SGCZ: variants seen among roughly 807,000 people sequenced by gnomAD.
SGCZ encodes sarcoglycan zeta, also known as zeta-sarcoglycan.
Under a neutral mutation model 41.3 loss-of-function variants are expected in SGCZ, and 40 were observed. The observed-to-expected ratio is 0.97, with a 90% CI of 0.75 to 1.26. The LOEUF is 1.26. Among genes scored for constraint, SGCZ ranks in the 50% most tolerant of loss-of-function variants. The pLI, the probability that SGCZ is intolerant of heterozygous loss-of-function variation, is 0.00. For missense variants in SGCZ, 552 were observed against 369.8 expected (o/e 1.49, Z -4.04); for synonymous variants, 206 against 137.5 (o/e 1.50, Z -3.49).
intron 1 of SGCZ, among the ~76,000 whole-genome samples, chr8:14,963,764 C>T (rs1040009208): frequency 1.3e-5 from 2 of 152,180 alleles, no homozygotes; most frequent in Non-Finnish European, 2.9e-5. Flanking sequence ...CGCAGGTCAT[C>T]CCTTTCAGCC....
chr8:14,156,333 G>A (rs1031906193), intron 5 of SGCZ, among the ~76,000 whole-genome samples: 3 of 152,056 alleles, frequency 2.0e-5, no homozygotes, highest in East Asian at 1.9e-4. Context: ...GGTGGTGGTC[G>A]CCTTGTAGTC....
intron 1 of SGCZ, among the ~76,000 whole-genome samples, chr8:15,164,024 C>T (rs1213588139): frequency 6.6e-6 from 1 of 152,238 alleles, no homozygotes; most frequent in Non-Finnish European, 1.5e-5. Context: ...CCGGGAAGCG[C>T]TCTAGCAGGG....
intron 1 of SGCZ, among the ~76,000 whole-genome samples, chr8:14,865,298 T>A (rs988544991): frequency 6.6e-6 from 1 of 152,024 alleles, no homozygotes; most frequent in Non-Finnish European, 1.5e-5. Context: ...TCTCAGACCA[T>A]ATCCCTTACT....
chr8:14,220,165 A>G (rs1806142757), intron 4 of SGCZ, among the ~76,000 whole-genome samples: 1 of 152,166 alleles, frequency 6.6e-6, no homozygotes, highest in Non-Finnish European at 1.5e-5. Flanking sequence ...AGGCAGAAGA[A>G]TGGCTTTTTG....
chr8:14,767,691 A>G (rs1037090125), intron 1 of SGCZ, among the ~76,000 whole-genome samples: 1 of 152,208 alleles, frequency 6.6e-6, no homozygotes, highest in Admixed American at 6.5e-5. Flanking sequence ...TTCTAGAGTC[A>G]CAAGAGAGCA....
chr8:14,739,773 C>T (rs558948688), intron 1 of SGCZ, among the ~76,000 whole-genome samples: 8 of 152,004 alleles, frequency 5.3e-5, no homozygotes, highest in South Asian at 2.1e-4. Context: ...GGAAAGGACA[C>T]TTTCTAATGT....
chr8:14,719,291 G>C (rs200294806), intron 1 of SGCZ, among the ~76,000 whole-genome samples: 50,289 of 145,330 alleles, frequency 0.35, 10,453 homozygotes, highest in African/African-American at 0.58. Context: ...CTTTGCTATT[G>C]TGAATAGTGC....
intron 1 of SGCZ, among the ~76,000 whole-genome samples, chr8:14,737,754 T>G (rs1359189720): frequency 6.6e-6 from 1 of 152,082 alleles, no homozygotes; most frequent in African/African-American, 2.4e-5. Context: ...GATTCGAGCC[T>G]GTGCTAATGA....
chr8:15,168,493 G>A (rs1046479810), intron 1 of SGCZ, among the ~76,000 whole-genome samples: 12 of 152,124 alleles, frequency 7.9e-5, no homozygotes, highest in African/African-American at 1.7e-4. Flanking sequence ...CTTCATGGGC[G>A]TGAGCTGCTT....
At chr8:15,055,963 T>C (rs1179579268) in intron 1 of SGCZ, among the ~76,000 whole-genome samples, 1 of 152,198 alleles carries the variant, frequency 6.6e-6, no homozygotes, top group Non-Finnish European at 1.5e-5. Context: ...ATAGCAAACT[T>C]CAGTGAAATC....
At chr8:14,203,469 G>C (rs887087582) in intron 4 of SGCZ, among the ~76,000 whole-genome samples, 3 of 151,976 alleles carry the variant, frequency 2.0e-5, no homozygotes, top group African/African-American at 7.3e-5. Flanking sequence ...TAATATATAA[G>C]ATTTATAATC....
At chr8:14,408,586 C>G (rs933759323) in intron 2 of SGCZ, among the ~76,000 whole-genome samples, 1 of 152,102 alleles carries the variant, frequency 6.6e-6, no homozygotes, top group African/African-American at 2.4e-5. Flanking sequence ...ATGACTGTTT[C>G]TATATAAATC....
chr8:14,317,834 T>C (rs1801767556), intron 3 of SGCZ, among the ~76,000 whole-genome samples: 1 of 152,014 alleles, frequency 6.6e-6, no homozygotes, highest in African/African-American at 2.4e-5. Context: ...AAAAATTAAA[T>C]GTAACCATAA....
intron 1 of SGCZ, among the ~76,000 whole-genome samples, chr8:14,703,134 T>G (rs905737441): frequency 6.6e-6 from 1 of 152,026 alleles, no homozygotes; most frequent in Non-Finnish European, 1.5e-5. Context: ...CATCACATGA[T>G]GTTATCACCC....
At chr8:14,527,400 C>A (rs1802985811) in intron 2 of SGCZ, among the ~76,000 whole-genome samples, 1 of 152,166 alleles carries the variant, frequency 6.6e-6, no homozygotes, top group Non-Finnish European at 1.5e-5. Context: ...CTCCTGGGCT[C>A]AAGCAGTCCT....
rs28673545 is a variant in SGCZ at position 14,926,298 on chromosome 8, A to G, written c.39+311287T>C. Among the ~76,000 whole-genome samples the G allele has an allele frequency of 2.9e-3, 437 of 152,308 alleles. 3 individuals are homozygous for G. The highest frequency in any genetic ancestry group is 0.01 in the African/African-American group (421 of 41,568). On this transcript the variant is annotated intron_variant, in intron 1 of 7. Coordinates refer to ENST00000382080, the MANE Select transcript of SGCZ (RefSeq NM_139167.4). ...AAAAGATCATCGAAAAAATATTGTC[A>G]TCATGTTTCATTTGCACAAATTGTT... is the stretch of plus-strand genomic sequence containing the variant.
intron 5 of SGCZ, among the ~76,000 whole-genome samples, chr8:14,143,407 A>G (rs1563151108): frequency 6.6e-6 from 1 of 152,266 alleles, no homozygotes; most frequent in Non-Finnish European, 1.5e-5. Flanking sequence ...ATTATTGTCT[A>G]CATAGAAAAT....
chr8:14,152,871 G>C (rs1803753387), intron 5 of SGCZ, among the ~76,000 whole-genome samples: 3 of 152,194 alleles, frequency 2.0e-5, no homozygotes, highest in African/African-American at 7.2e-5. Context: ...TGATATATAC[G>C]ACAACTTGGA....
intron 1 of SGCZ, among the ~76,000 whole-genome samples, chr8:14,912,200 C>G (rs1256943404): frequency 6.6e-6 from 1 of 151,912 alleles, no homozygotes; most frequent in Non-Finnish European, 1.5e-5. Context: ...CTTTGGAAGT[C>G]CTTCTCAGAA....
Sources: gnomAD v4.1 joint callset for allele counts (sites outside exome capture counted in the v4.1 genomes callset) on GRCh38, gnomAD v4.1.1 for gene constraint, MANE v1.5 for transcripts, NCBI Gene and HGNC (gene_info 2026-07-23, HGNC 2026-07-21) for gene names.